Variants in CCDC167 observed in about 807,000 individuals in gnomAD.
CCDC167 encodes coiled-coil domain-containing protein 167.
CCDC167 carries 15 observed loss-of-function variants against 12.7 expected under a neutral mutation model. That is an observed-to-expected ratio of 1.18 (90% confidence interval 0.79 to 1.81). CCDC167 has a LOEUF of 1.81. Among genes scored for constraint, CCDC167 ranks in the 40% most tolerant of loss-of-function variants. The pLI is 0.00. For synonymous variants in CCDC167, 52 were observed against 49.0 expected (o/e 1.06, Z -0.26); for missense variants, 121 against 120.1 (o/e 1.01, Z -0.03).
At chr6:37,484,540 T>G (rs76358448) in intron 3 of CCDC167, among the ~76,000 whole-genome samples, 3,716 of 152,264 alleles carry the variant, frequency 0.024, 133 homozygotes, top group African/African-American at 0.081. Context: ...AGGTGAATGA[T>G]TGTCTCCTAG....
intron 1 of CCDC167, 102 bp from the exon 2 acceptor site, chr6:37,485,296 C>G (rs1033288157): frequency 3.4e-6 from 3 of 873,950 alleles, no homozygotes; most frequent in African/African-American, 3.3e-5. Flanking sequence ...GACAGGTGTT[C>G]CCCCCATTCG....
At chr6:37,489,777 C>T (rs1436553325) in intron 1 of CCDC167, among the ~76,000 whole-genome samples, 1 of 152,214 alleles carries the variant, frequency 6.6e-6, no homozygotes, top group Non-Finnish European at 1.5e-5. Flanking sequence ...AGGACTCCTG[C>T]CCGACAGGCT....
Position 37,489,872 on chromosome 6 carries a change from G to A in CCDC167, c.43-4678C>T, listed in dbSNP as rs77168122. Among the ~76,000 whole-genome samples, 728 of 152,342 alleles carry A rather than the reference G, an allele frequency of 4.8e-3. 26 individuals are homozygous for A. In the East Asian group the frequency reaches 0.087, roughly 18 times the overall value. On this transcript the variant is annotated intron_variant, in intron 1 of 3. Coordinates refer to ENST00000373408, the MANE Select transcript of CCDC167 (RefSeq NM_138493.3). Reference sequence around the variant, plus strand: ...GGAGCTATCAGGGGGCAGCACTTACGGCTGTGACTGTGACCGGCAAAGTAG... The same window carrying A: ...GGAGCTATCAGGGGGCAGCACTTACAGCTGTGACTGTGACCGGCAAAGTAG...
chr6:37,491,195 A>G (rs929734177), intron 1 of CCDC167, among the ~76,000 whole-genome samples: 4 of 152,204 alleles, frequency 2.6e-5, no homozygotes, highest in African/African-American at 9.7e-5. Flanking sequence ...CTCCACGGCT[A>G]GCTGCTGTTG....
intron 3 of CCDC167, 125 bp from the exon 4 acceptor site, chr6:37,483,414 C>T (rs1469453621): frequency 4.5e-6 from 3 of 660,864 alleles, no homozygotes; most frequent in Non-Finnish European, 8.3e-6. Flanking sequence ...CACCTCCTTA[C>T]CCATAAAAAT....
intron 1 of CCDC167, among the ~76,000 whole-genome samples, chr6:37,485,597 C>T (rs752053865): frequency 6.6e-6 from 1 of 152,248 alleles, no homozygotes; most frequent in Non-Finnish European, 1.5e-5. Flanking sequence ...ACCTGCCCCA[C>T]GGGCGTATCC....
chr6:37,497,755 CG>C (rs553357914), intron 1 of CCDC167, among the ~76,000 whole-genome samples: 3 of 151,790 alleles, frequency 2.0e-5, no homozygotes, highest in Non-Finnish European at 4.4e-5. Flanking sequence ...GAGGCTGTGT[CG>C]GGGGAAGGTG....
intron 1 of CCDC167, among the ~76,000 whole-genome samples, chr6:37,488,107 C>T (rs1761970578): frequency 1.3e-5 from 2 of 152,234 alleles, no homozygotes; most frequent in African/African-American, 4.8e-5. Context: ...GTCCCCAGCA[C>T]TGGGCCTGGT....
intron 1 of CCDC167, 112 bp downstream of exon 1, chr6:37,499,710 C>T: frequency 1.7e-6 from 2 of 1,209,830 alleles, no homozygotes; most frequent in South Asian, 1.3e-5. Context: ...ACCGCGTCGC[C>T]CTCTCATCCT....
chr6:37,485,369 G>A (rs1223263971), intron 1 of CCDC167, among the ~76,000 whole-genome samples, 175 bp from the exon 2 acceptor site: 3 of 152,236 alleles, frequency 2.0e-5, no homozygotes, highest in Non-Finnish European at 4.4e-5. Context: ...GCTGTCCTCT[G>A]CCTCCACGTG....
chr6:37,489,565 A>G lies in CCDC167; in HGVS notation c.43-4371T>C, dbSNP rs962064552. Among the ~76,000 whole-genome samples, 3 of 152,216 alleles carry G rather than the reference A, an allele frequency of 2.0e-5. No individual in the cohort carries two copies. The East Asian group carries it at 5.8e-4, about 29-fold the overall frequency. ...ATCCTAGCGTGAGAGGCCTGGAGCC[A>G]TGTCCAAGGTGGAACAGCCTGGGGG... is the stretch of plus-strand genomic sequence containing the variant. On this transcript the variant is annotated intron_variant, in intron 1 of 3. Transcript: ENST00000373408.
At chr6:37,494,134 C>T (rs1303173283) in intron 1 of CCDC167, among the ~76,000 whole-genome samples, 1 of 146,052 alleles carries the variant, frequency 6.8e-6, no homozygotes, top group Non-Finnish European at 1.5e-5. Flanking sequence ...GGCACCATCT[C>T]GGCTCACCGC....
chr6:37,491,230 C>T (rs1165572413), intron 1 of CCDC167, among the ~76,000 whole-genome samples: 3 of 152,174 alleles, frequency 2.0e-5, no homozygotes, highest in Non-Finnish European at 4.4e-5. Flanking sequence ...AGCTTTTCTG[C>T]CAACAAGCAC....
At chr6:37,497,547 G>GGGGGTCA (rs1345139012) in intron 1 of CCDC167, among the ~76,000 whole-genome samples, 4 of 151,140 alleles carry the variant, frequency 2.6e-5, no homozygotes, top group Admixed American at 2.0e-4. Context: ...GTCGGGGGTC[G>GGGGGTCA]GGGATCGGGG....
chr6:37,483,047 C>T lies in CCDC167; in HGVS notation c.*139G>A, dbSNP rs1036297164. On this transcript the variant is annotated 3_prime_UTR_variant, in exon 4 of 4. Transcript: ENST00000373408. The stretch of plus-strand genomic sequence containing the variant: ...CAGGCCAGGGAGGCAAGGCCTGGGC[C>T]GCCAGGAAGCCATGCTTGAACACTA... The T allele has an allele frequency of 6.6e-6, 5 of 754,294 alleles. No individual in the cohort carries two copies. The highest frequency in any genetic ancestry group is 2.9e-5 in the South Asian group (2 of 68,350). 46.7% of individuals were successfully genotyped at this position (754,294 alleles called of 1,614,324 possible).
At chr6:37,489,223 G>C (rs1295464782) in intron 1 of CCDC167, among the ~76,000 whole-genome samples, 1 of 147,876 alleles carries the variant, frequency 6.8e-6, no homozygotes, top group Non-Finnish European at 1.5e-5. Context: ...GTGACAGAGC[G>C]AGACTCTATC....
chr6:37,496,383 G>A (rs970671992), intron 1 of CCDC167, among the ~76,000 whole-genome samples: 6 of 152,110 alleles, frequency 3.9e-5, no homozygotes, highest in African/African-American at 1.2e-4. Context: ...GCAGTGAGCT[G>A]AGATCATGCC....
In CCDC167 at chr6:37,485,130, A is replaced by G; in HGVS notation, c.107T>C (p.Leu36Pro). The G allele has an allele frequency of 6.2e-7, 1 of 1,613,392 alleles. No individual in the cohort carries two copies. Residue 36 changes from leucine (L) to proline (P), a missense_variant, in exon 2 of 4, where the codon CTC becomes CCC. Coordinates refer to ENST00000373408, the MANE Select transcript of CCDC167 (RefSeq NM_138493.3). ...RRDLEAVNSR[L>P]HSRELSPEAR... ...CTCTGGGCTCAGCTCCCGGCTGTGGAGTCTGGAGTTCACGGCCTCCAGGTC... is the reference window on the plus strand; with the variant it reads ...CTCTGGGCTCAGCTCCCGGCTGTGGGGTCTGGAGTTCACGGCCTCCAGGTC...
chr6:37,494,593 A>G (rs1284579198), intron 1 of CCDC167, among the ~76,000 whole-genome samples: 1 of 152,206 alleles, frequency 6.6e-6, no homozygotes, highest in Non-Finnish European at 1.5e-5. Context: ...ACGTTCCAGA[A>G]GTCAGCTAGG....
Sources: allele counts gnomAD v4.1 joint callset (sites outside exome capture counted in the v4.1 genomes callset), GRCh38; gene constraint gnomAD v4.1.1; transcripts MANE v1.5; gene names NCBI Gene and HGNC (gene_info 2026-07-23, HGNC 2026-07-21).